The following PLOD1 variants were observed in gnomAD, a reference collection of about 807,000 sequenced individuals.
PLOD1 encodes the protein procollagen-lysine,2-oxoglutarate 5-dioxygenase 1.
In PLOD1, 70 loss-of-function variants were observed where a neutral mutation model predicts 94.7. The observed-to-expected ratio is 0.74, with a 90% CI of 0.61 to 0.90. The LOEUF (loss-of-function observed/expected upper bound fraction) is 0.90. Among genes scored for constraint, PLOD1 ranks in the 40% least tolerant of loss-of-function variants. The pLI is 0.00. For synonymous variants in PLOD1, 417 were observed against 400.2 expected, an observed-to-expected ratio of 1.04 and a Z score of -0.50; for missense variants, 905 against 972.7, an observed-to-expected ratio of 0.93 and a Z score of 0.93.
Position 11,957,212 on chromosome 1 carries a change from G to C in PLOD1, c.741+198G>C, listed in dbSNP as rs773046114. On this transcript the variant is annotated intron_variant, in intron 7 of 18. Coordinates refer to ENST00000196061, the MANE Select transcript of PLOD1 (RefSeq NM_000302.4). The surrounding 1 kb of genome is among the most constrained non-coding windows in gnomAD (Gnocchi z 4.1). ...TGTGGTGGTCAGTGGTACTCTGTCT[G>C]TTCTTGCTGGTCACAGGACACGTAG... is the stretch of plus-strand genomic sequence containing the variant. 1 of 752,538 alleles carries C rather than the reference G, an allele frequency of 1.3e-6. No homozygotes were observed. Among genetic ancestry groups the C allele is most frequent in the Non-Finnish European group, 2.5e-6 (1 of 401,182 alleles). 46.6% of individuals were successfully genotyped at this position (752,538 alleles called of 1,614,324 possible).
rs145682657 is a variant in PLOD1, at chr1:11,965,044, G to A, written c.1470+259G>A. Among the ~76,000 whole-genome samples the A allele has an allele frequency of 5.1e-4, 78 of 152,110 alleles. 1 individual carries two copies. In the East Asian group the frequency reaches 0.014, roughly 28 times the overall value. ...TACCATCTATTTTATTTACATTTTT[G>A]GAATAGCCCAAAGAAAACGGAACTT... On this transcript the variant is annotated intron_variant, in intron 13 of 18. Coordinates refer to ENST00000196061, the MANE Select transcript of PLOD1 (RefSeq NM_000302.4).
At chr1:11,967,615 A>ATATATATATATATATATATAT (rs58447090) in intron 16 of PLOD1, among the ~76,000 whole-genome samples, 2 of 103,978 alleles carry the variant, frequency 1.9e-5, no homozygotes, top group South Asian at 3.9e-4. Flanking sequence ...ATATATATAT[A>ATATATATATATATATATATAT]AAAAGAAATA....
chr1:11,967,119 C>A, intron 16 of PLOD1, 28 bp downstream of exon 16: 1 of 1,418,558 alleles, frequency 7.0e-7, no homozygotes, highest in Non-Finnish European at 1.0e-6. Context: ...GGGCTGGGGC[C>A]GCAGGGAGGC....
At chr1:11,964,620 A>G in intron 12 of PLOD1, 24 bp from the exon 13 acceptor site, 1 of 1,478,738 alleles carries the variant, frequency 6.8e-7, no homozygotes, top group Non-Finnish European at 9.0e-7. Context: ...TCTGACCCCC[A>G]CCCGCTTTCT....
chr1:11,944,809 C>T, intron 1 of PLOD1: 1 of 467,366 alleles, frequency 2.1e-6, no homozygotes. Flanking sequence ...CTACCCCTGC[C>T]CCAGCTACCC....
chr1:11,969,926 G>A (rs1645848995), intron 16 of PLOD1, among the ~76,000 whole-genome samples: 1 of 152,038 alleles, frequency 6.6e-6, no homozygotes, highest in Admixed American at 6.6e-5. Context: ...GGGCAACATA[G>A]TGAGACCTCA....
At chr1:11,945,210 G>A (rs1645642412) in intron 1 of PLOD1, among the ~76,000 whole-genome samples, 1 of 152,122 alleles carries the variant, frequency 6.6e-6, no homozygotes, top group Non-Finnish European at 1.5e-5. Flanking sequence ...GGTTGAGGCT[G>A]GGAGTTCCAG....
Position 11,947,972 on chromosome 1 carries a change from G to T in PLOD1, c.77-4G>T. 6.2e-7 allele frequency: 1 copy of T among 1,601,496 alleles called. No homozygotes were observed. The highest frequency in any genetic ancestry group is 8.6e-7 in the Non-Finnish European group (1 of 1,168,554). ...CCATTCACCATACCCTCCTCTGTCT[G>T]CAGACAACCTTTTAGTCCTCACGGT... On this transcript the variant is annotated splice_region_variant and splice_polypyrimidine_tract_variant and intron_variant, in intron 1 of 18. Transcript: ENST00000196061.
chr1:11,973,335 A>G (rs1416626405), intron 18 of PLOD1, among the ~76,000 whole-genome samples: 3 of 152,078 alleles, frequency 2.0e-5, no homozygotes, highest in Non-Finnish European at 4.4e-5. Context: ...CCCCATTTCC[A>G]CTAAAAATAG....
Position 11,949,731 on chromosome 1 carries a change from T to C in PLOD1, c.169-42T>C, listed in dbSNP as rs534551811. 15 of 1,606,778 alleles carry C rather than the reference T, an allele frequency of 9.3e-6. No individual in the cohort carries two copies. In the East Asian group the frequency reaches 1.3e-4, roughly 14 times the overall value. On this transcript the variant is annotated intron_variant, in intron 2 of 18. Coordinates refer to ENST00000196061, the MANE Select transcript of PLOD1 (RefSeq NM_000302.4). The stretch of plus-strand genomic sequence containing the variant: ...CACCACGGCCAGCCCTGGAAAAATA[T>C]TTCTTTACCAAAAGCCCGTGTTAAG...
At chr1:11,943,723 T>C (rs1028500569) in intron 1 of PLOD1, among the ~76,000 whole-genome samples, 2 of 152,074 alleles carry the variant, frequency 1.3e-5, no homozygotes, top group Non-Finnish European at 2.9e-5. Flanking sequence ...ACAGCTCCCT[T>C]ACATAGATAG....
At chr1:11,953,224 T>G (rs1399867726) in intron 5 of PLOD1, among the ~76,000 whole-genome samples, 2 of 151,798 alleles carry the variant, frequency 1.3e-5, no homozygotes, top group African/African-American at 4.8e-5. Context: ...TTTGGCTGAT[T>G]TTTGTATTTT....
In PLOD1 at chr1:11,975,387, G is replaced by T. The variant is rs1439055779; in HGVS notation, c.*579G>T. On this transcript the variant is annotated 3_prime_UTR_variant, in exon 19 of 19. Transcript: ENST00000196061. ...GAGAACCTCTTGGGAGACAGAAGAG[G>T]CATCTGTGCACAGCTCGATCTTCTA... 1 of 196,034 alleles carries T rather than the reference G, an allele frequency of 5.1e-6. No individual in the cohort carries two copies. Among genetic ancestry groups the T allele is most frequent in the East Asian group, 1.2e-4 (1 of 8,342 alleles). The allele number at this position is 196,034 out of a possible 1,614,324, so 12.1% of individuals were successfully genotyped here.
chr1:11,935,663 C>T (rs1250147139), intron 1 of PLOD1, among the ~76,000 whole-genome samples: 2 of 147,440 alleles, frequency 1.4e-5, no homozygotes, highest in East Asian at 2.0e-4. Flanking sequence ...CTCGCTCTGT[C>T]GCCCAGGCTG....
Position 11,965,450 on chromosome 1 carries a change from C to T in PLOD1, c.1471-30C>T, listed in dbSNP as rs373714911. 3.8e-5 allele frequency: 49 copies of T among 1,305,044 alleles called. 1 individual carries two copies. Among genetic ancestry groups the T allele is most frequent in the African/African-American group, 1.2e-4 (8 of 68,796 alleles). The allele number at this position is 1,305,044 out of a possible 1,614,324, so 80.8% of individuals were successfully genotyped here. On this transcript the variant is annotated intron_variant, in intron 13 of 18. Coordinates refer to ENST00000196061, the MANE Select transcript of PLOD1 (RefSeq NM_000302.4). ...TGAGGGCAGGGGAGGGGTGGGGGAG[C>T]GCCTCTTCCACCGGGCCTGTCCTCC...
chr1:11,945,982 TACCGGTGTGAGCC>T lies in PLOD1; in HGVS notation c.77-1991_77-1979del, dbSNP rs1376668719. On this transcript the variant is annotated intron_variant, in intron 1 of 18. Transcript: ENST00000196061. ...CCTCAGCCTCCCAAAGTGCTGGGAT[TACCGGTGTGAGCC>T]ACTGTGACCAGCCTTCAGTAATACC... 2.6e-5 allele frequency among the ~76,000 whole-genome samples: 4 copies of T among 152,300 alleles called. No homozygotes were observed. In the East Asian group the frequency reaches 5.8e-4, roughly 22 times the overall value.
chr1:11,963,979 C>T lies in PLOD1; in HGVS notation c.1203-196C>T, dbSNP rs1645797477. On this transcript the variant is annotated intron_variant, in intron 11 of 18. Transcript: ENST00000196061. This position sits in a 1 kb window ranked among gnomAD's most constrained non-coding sequence, Gnocchi z 4.3. Reference sequence around the variant, plus strand: ...GGTGTCCTGCCCTGTCTGCTCCTGGCTGCCCCATGGGAGGGAGCAGGTACC... The same window carrying T: ...GGTGTCCTGCCCTGTCTGCTCCTGGTTGCCCCATGGGAGGGAGCAGGTACC... Among the ~76,000 whole-genome samples the T allele has an allele frequency of 6.6e-6, 1 of 152,170 alleles. No individual in the cohort carries two copies. Among genetic ancestry groups the T allele is most frequent in the African/African-American group, 2.4e-5 (1 of 41,430 alleles).
At chr1:11,941,587 C>T (rs1645615851) in intron 1 of PLOD1, among the ~76,000 whole-genome samples, 1 of 151,966 alleles carries the variant, frequency 6.6e-6, no homozygotes, top group Admixed American at 6.6e-5. Flanking sequence ...TCAAGCAATT[C>T]TCCTATCTCA....
In PLOD1 at chr1:11,954,903, C is replaced by T; in HGVS notation, c.643+10C>T. On this transcript the variant is annotated intron_variant, in intron 6 of 18. Coordinates refer to ENST00000196061, the MANE Select transcript of PLOD1 (RefSeq NM_000302.4). ...CTGGATGGAGCCTTGGGTGAGCAGC[C>T]CCCACGGGGAGGGGTGGATCCTCAG... is the stretch of plus-strand genomic sequence containing the variant. The T allele has an allele frequency of 4.4e-6, 7 of 1,606,388 alleles. No individual in the cohort carries two copies. The South Asian group carries it at 6.6e-5, about 15-fold the overall frequency.
Sources: gnomAD v4.1 joint callset for allele counts (sites outside exome capture counted in the v4.1 genomes callset) on GRCh38, gnomAD v4.1.1 for gene constraint, Gnocchi (gnomAD v3.1) non-coding constraint, MANE v1.5 for transcripts, NCBI Gene and HGNC (gene_info 2026-07-23, HGNC 2026-07-21) for gene names.